Variants in TMEM272 observed in about 807,000 individuals in gnomAD.
TMEM272 encodes the protein long intergenic non-protein coding RNA 282.
In TMEM272, 8 loss-of-function variants were observed where a neutral mutation model predicts 3.7. The observed-to-expected ratio is 2.17, with a 90% CI of 1.27 to 3.91. The LOEUF (loss-of-function observed/expected upper bound fraction) is 3.91. Among genes scored for constraint, TMEM272 ranks in the 30% most tolerant of loss-of-function variants. The probability of loss-of-function intolerance (pLI) is 0.00; values close to 1 mark genes in which losing one functional copy is unlikely to be tolerated. For synonymous variants in TMEM272, 63 were observed against 39.8 expected (o/e 1.58, Z -2.20); for missense variants, 166 against 91.5 (o/e 1.81, Z -3.32).
chr13:51,912,759 G>A, the TMEM272 span, among the ~76,000 whole-genome samples: 29 of 152,254 alleles, frequency 1.9e-4, no homozygotes, highest in Middle Eastern at 3.4e-3. Flanking sequence ...CAAGGGCAGC[G>A]ACAGTGGCCC....
the TMEM272 span, chr13:51,865,983 A>G: frequency 2.5e-6 from 4 of 1,613,836 alleles, no homozygotes; most frequent in South Asian, 4.4e-5. Flanking sequence ...TGGATGGAGA[A>G]CAATGGCCAC....
At chr13:51,832,035 CAGAT>C (rs1392301059) in intron 2 of TMEM272, among the ~76,000 whole-genome samples, 6 of 152,156 alleles carry the variant, frequency 3.9e-5, no homozygotes, top group Admixed American at 3.9e-4. Flanking sequence ...GCTAAGAACA[CAGAT>C]AGGCTGATTC....
At chr13:51,858,081 T>C in the TMEM272 span, among the ~76,000 whole-genome samples, 1 of 152,172 alleles carries the variant, frequency 6.6e-6, no homozygotes, top group African/African-American at 2.4e-5. Flanking sequence ...TATGCATGTA[T>C]CTAATAATAT....
At chr13:51,820,358 C>T (rs1956068537) in intron 4 of TMEM272, among the ~76,000 whole-genome samples, 1 of 152,198 alleles carries the variant, frequency 6.6e-6, no homozygotes, top group Admixed American at 6.5e-5. Context: ...CACAGGCAAA[C>T]TTCTGCCTCT....
intron 2 of TMEM272, 47 bp from the exon 3 acceptor site, chr13:51,826,672 C>A (rs1355192266): frequency 1.4e-6 from 1 of 701,794 alleles, no homozygotes; most frequent in Non-Finnish European, 2.6e-6. Flanking sequence ...ACACACAGAC[C>A]CCTGCATTTC....
At chr13:51,838,420 C>T (rs1470301340) in intron 2 of TMEM272, 53 bp downstream of exon 2, 1 of 702,884 alleles carries the variant, frequency 1.4e-6, no homozygotes. Context: ...ATCGGGTGAT[C>T]CCAGAGGTCT....
At chr13:51,874,345 T>TC in the TMEM272 span, among the ~76,000 whole-genome samples, 1 of 152,240 alleles carries the variant, frequency 6.6e-6, no homozygotes. Context: ...GGTTTCTTTC[T>TC]CTTTTTTTAA....
chr13:51,864,880 C>T, the TMEM272 span, among the ~76,000 whole-genome samples: 1 of 152,196 alleles, frequency 6.6e-6, no homozygotes, highest in Non-Finnish European at 1.5e-5. Context: ...AATACACTCT[C>T]CTCCTCCCCT....
At chr13:51,878,514 C>T in the TMEM272 span, among the ~76,000 whole-genome samples, 3,384 of 152,192 alleles carry the variant, frequency 0.022, 129 homozygotes, top group African/African-American at 0.078. Flanking sequence ...GGGAATGCCC[C>T]CATGATCTAA....
intron 2 of TMEM272, 26 bp downstream of exon 2, chr13:51,838,447 G>A (rs1406590824): frequency 1.4e-6 from 1 of 702,946 alleles, no homozygotes; most frequent in South Asian, 1.5e-5. Flanking sequence ...TACAAAACCA[G>A]GGCATTTCTC....
intron 2 of TMEM272, among the ~76,000 whole-genome samples, chr13:51,836,939 A>G (rs1049982927): frequency 6.6e-6 from 1 of 152,236 alleles, no homozygotes; most frequent in Non-Finnish European, 1.5e-5. Flanking sequence ...GGGTTTCACA[A>G]GAGAGCAAAC....
the TMEM272 span, among the ~76,000 whole-genome samples, chr13:51,855,672 G>A: frequency 6.6e-6 from 1 of 152,056 alleles, no homozygotes; most frequent in Non-Finnish European, 1.5e-5. Flanking sequence ...ATTAGACACC[G>A]CTGAAGAAAG....
chr13:51,822,114 G>A lies in TMEM272; in HGVS notation c.142C>T (p.Pro48Ser). The change falls in exon 4 of 5, where the codon CCT (proline) becomes TCT (serine). Residue 48 changes from proline to serine, a missense_variant. Pro to Ser is a moderately conservative substitution (Grantham distance 74). Coordinates refer to ENST00000629372, the MANE Select transcript of TMEM272 (RefSeq NM_001351003.2). Reference protein sequence around the residue: ...FIGMKFLEDCPIQPLIPLYLL... With the variant: ...FIGMKFLEDCSIQPLIPLYLL... ...TATAAAGGAATGAGGGGCTGTATAG[G>A]GCAGTCCTCCAAAAATTTCATTCCT... 1 of 699,662 alleles carries A rather than the reference G, an allele frequency of 1.4e-6. No individual in the cohort carries two copies. Among genetic ancestry groups the A allele is most frequent in the Non-Finnish European group, 2.6e-6 (1 of 384,202 alleles). The allele number at this position is 699,662 out of a possible 1,614,324, so 43.3% of individuals were successfully genotyped here.
the TMEM272 span, chr13:51,932,419 T>C: frequency 6.6e-6 from 1 of 152,314 alleles, no homozygotes; most frequent in Non-Finnish European, 1.5e-5. Flanking sequence ...GGCAGGGACT[T>C]TGACAGGAGC....
At chr13:51,933,592 C>T in the TMEM272 span, 1 of 152,202 alleles carries the variant, frequency 6.6e-6, no homozygotes, top group African/African-American at 2.4e-5. Flanking sequence ...AACAGATGCT[C>T]CCTTCGGGGT....
the TMEM272 span, among the ~76,000 whole-genome samples, chr13:51,872,109 A>G: frequency 6.6e-6 from 1 of 152,248 alleles, no homozygotes; most frequent in Admixed American, 6.5e-5. Context: ...CTAATATGAT[A>G]TAGCCTAAAA....
the TMEM272 span, among the ~76,000 whole-genome samples, chr13:51,922,183 T>C: frequency 6.6e-6 from 1 of 152,180 alleles, no homozygotes; most frequent in Non-Finnish European, 1.5e-5. Flanking sequence ...GGTTTCACAG[T>C]TCGTTGGGAA....
At chr13:51,875,977 C>T in the TMEM272 span, among the ~76,000 whole-genome samples, 25 of 152,358 alleles carry the variant, frequency 1.6e-4, no homozygotes, top group South Asian at 5.2e-3. Flanking sequence ...CTCCTAGCTA[C>T]TTTTCCCTCT....
At chr13:51,888,836 G>A in the TMEM272 span, among the ~76,000 whole-genome samples, 3 of 151,682 alleles carry the variant, frequency 2.0e-5, no homozygotes, top group African/African-American at 7.3e-5. Context: ...TAGTAGAGAT[G>A]GGGTTTCACT....
Sources: allele counts gnomAD v4.1 joint callset (sites outside exome capture counted in the v4.1 genomes callset), GRCh38; gene constraint gnomAD v4.1.1; transcripts MANE v1.5; gene names NCBI Gene and HGNC (gene_info 2026-07-23, HGNC 2026-07-21).